Variants in BLM observed in about 807,000 individuals in gnomAD.
BLM encodes recQ-like DNA helicase BLM.
Under a neutral mutation model 135.3 loss-of-function variants are expected in BLM, and 95 were observed. The observed-to-expected ratio is 0.70, with a 90% CI of 0.59 to 0.83. The LOEUF is 0.83. BLM is among the 40% of genes least tolerant of loss of function. The pLI is 0.00. For missense variants in BLM, 1,518 were observed against 1,663.9 expected (o/e 0.91, Z 1.53); for synonymous variants, 520 against 589.2 (o/e 0.88, Z 1.70).
chr15:90,755,060 T>G (rs1895783040), intron 5 of BLM, 122 bp downstream of exon 5: 2 of 1,250,966 alleles, frequency 1.6e-6, no homozygotes, highest in South Asian at 2.8e-5. Flanking sequence ...TTGTAGTTTC[T>G]TTTCTTCTAA....
chr15:90,755,069 A>G, intron 5 of BLM, 131 bp downstream of exon 5: 1 of 1,174,396 alleles, frequency 8.5e-7, no homozygotes, highest in Admixed American at 2.3e-5. Context: ...CTTTTCTTCT[A>G]ATGTCATAAC....
chr15:90,747,986 A>G (rs1228262212), intron 2 of BLM, among the ~76,000 whole-genome samples: 1 of 141,134 alleles, frequency 7.1e-6, no homozygotes, highest in Non-Finnish European at 1.5e-5. Flanking sequence ...TTTTTTTTGT[A>G]TTTTTTAGAG....
chr15:90,767,714 C>T (rs926057168), intron 10 of BLM, among the ~76,000 whole-genome samples: 5 of 152,036 alleles, frequency 3.3e-5, no homozygotes, highest in South Asian at 2.1e-4. Context: ...TAGACTTCTC[C>T]GCTGTAAAGT....
intron 15 of BLM, among the ~76,000 whole-genome samples, chr15:90,791,666 TCTCA>T (rs1379993005): frequency 1.3e-5 from 2 of 151,750 alleles, no homozygotes; most frequent in African/African-American, 4.9e-5. Flanking sequence ...CAAGACCGAG[TCTCA>T]CTCTGTCACC....
At chr15:90,793,378 G>T (rs556315681) in intron 15 of BLM, among the ~76,000 whole-genome samples, 9 of 152,056 alleles carry the variant, frequency 5.9e-5, no homozygotes, top group Non-Finnish European at 1.2e-4. Flanking sequence ...CAGGTGATCC[G>T]CCCACCTTGG....
chr15:90,756,959 G>A (rs897883074), intron 5 of BLM, among the ~76,000 whole-genome samples: 1 of 152,152 alleles, frequency 6.6e-6, no homozygotes, highest in South Asian at 2.1e-4. Context: ...ACCTTGCTGG[G>A]TAGTTGTCAG....
chr15:90,800,409 A>C (rs1374200149), intron 17 of BLM, among the ~76,000 whole-genome samples: 1 of 152,190 alleles, frequency 6.6e-6, no homozygotes, highest in Non-Finnish European at 1.5e-5. Flanking sequence ...GAGGCTGGGC[A>C]CGGTGGCTCA....
chr15:90,785,606 A>C (rs1896727651), intron 14 of BLM, among the ~76,000 whole-genome samples: 2 of 149,228 alleles, frequency 1.3e-5, no homozygotes, highest in Admixed American at 1.3e-4. Context: ...TGCAGTAGAG[A>C]GATCTTCGCT....
intron 12 of BLM, among the ~76,000 whole-genome samples, chr15:90,776,861 A>C (rs1193908071): frequency 2.0e-5 from 3 of 152,020 alleles, no homozygotes; most frequent in Non-Finnish European, 4.4e-5. Flanking sequence ...CATACTTTTA[A>C]ATAGAGTTTT....
At chr15:90,768,108 A>T (rs890604197) in intron 10 of BLM, among the ~76,000 whole-genome samples, 1 of 151,726 alleles carries the variant, frequency 6.6e-6, no homozygotes, top group African/African-American at 2.4e-5. Context: ...ATACCTGGCT[A>T]ATTTTTGTAT....
chr15:90,726,231 A>G (rs1213229360), intron 1 of BLM, among the ~76,000 whole-genome samples: 2 of 152,162 alleles, frequency 1.3e-5, no homozygotes, highest in Admixed American at 6.6e-5. Flanking sequence ...ACAGAACACC[A>G]GAACTTATTC....
intron 9 of BLM, 66 bp downstream of exon 9, chr15:90,765,480 C>A: frequency 8.0e-7 from 1 of 1,246,742 alleles, no homozygotes; most frequent in South Asian, 1.2e-5. Context: ...CTCTGGATAA[C>A]CTTTTTATTA....
chr15:90,738,579 CAA>C (rs1410965365), intron 1 of BLM, among the ~76,000 whole-genome samples: 2 of 148,722 alleles, frequency 1.3e-5, no homozygotes, highest in Non-Finnish European at 3.0e-5. Context: ...CAAAACAAAA[CAA>C]AACAAAACAA....
chr15:90,746,201 T>G (rs918659303), intron 1 of BLM, among the ~76,000 whole-genome samples: 54 of 152,224 alleles, frequency 3.5e-4, no homozygotes, highest in Non-Finnish European at 7.1e-4. Flanking sequence ...TCAGGGTGTA[T>G]GTATAGCTGA....
At chr15:90,808,800 T>C (rs1003654908) in intron 19 of BLM, 4 of 411,366 alleles carry the variant, frequency 9.7e-6, no homozygotes, top group African/African-American at 8.1e-5. Flanking sequence ...CAGTCTCAGC[T>C]AGATGAGTAC....
At chr15:90,720,159 A>G (rs968876450) in intron 1 of BLM, among the ~76,000 whole-genome samples, 1 of 152,178 alleles carries the variant, frequency 6.6e-6, no homozygotes, top group Non-Finnish European at 1.5e-5. Context: ...ATTTGTTGAC[A>G]TGTCTATTTT....
At chr15:90,726,464 C>T (rs1894919774) in intron 1 of BLM, among the ~76,000 whole-genome samples, 3 of 152,126 alleles carry the variant, frequency 2.0e-5, no homozygotes, top group Non-Finnish European at 2.9e-5. Flanking sequence ...GACGGGGTTT[C>T]TCCATGTTGG....
chr15:90,748,172 A>C (rs1895558761), intron 2 of BLM, among the ~76,000 whole-genome samples: 1 of 144,018 alleles, frequency 6.9e-6, no homozygotes, highest in Non-Finnish European at 1.5e-5. Flanking sequence ...GCCATGGCAC[A>C]ATCTTAGCTC....
At position 90,784,174 on chromosome 15, in the gene BLM, TA is replaced by T. The variant is rs1596251417; in HGVS notation, c.2663-745del. Reference sequence around the variant, plus strand: ...CTAATGTTGCTCAGTAAAATCTTTGTAATTTTTAAAGTTTGAAGTAAAACTT... The same window carrying T: ...CTAATGTTGCTCAGTAAAATCTTTGTATTTTTAAAGTTTGAAGTAAAACTT... On this transcript the variant is annotated intron_variant, in intron 13 of 21. Transcript: ENST00000355112. 2.0e-5 allele frequency among the ~76,000 whole-genome samples: 3 copies of T among 152,272 alleles called. No individual in the cohort carries two copies. The East Asian group carries it at 5.8e-4, about 29-fold the overall frequency.
Sources: gnomAD v4.1 joint callset for allele counts (sites outside exome capture counted in the v4.1 genomes callset) on GRCh38, gnomAD v4.1.1 for gene constraint, MANE v1.5 for transcripts, NCBI Gene and HGNC (gene_info 2026-07-23, HGNC 2026-07-21) for gene names.